FAM110B: variants seen among roughly 807,000 people sequenced by gnomAD.
FAM110B encodes family with sequence similarity 110 member B.
A neutral mutation model predicts 20.4 loss-of-function variants in FAM110B; 6 were observed. The ratio of observed to expected loss-of-function variants is 0.29; its 90% CI spans 0.16 to 0.58. The LOEUF (loss-of-function observed/expected upper bound fraction) is 0.58, where lower values mean the gene tolerates loss of function less well. FAM110B is among the 20% of genes least tolerant of loss of function. FAM110B has a pLI of 0.90. For synonymous variants in FAM110B, 226 were observed against 214.1 expected (o/e 1.06, Z -0.49); for missense variants, 434 against 498.2 (o/e 0.87, Z 1.23).
chr8:58,071,942 C>T (rs1440085244), intron 2 of FAM110B, among the ~76,000 whole-genome samples: 2 of 152,114 alleles, frequency 1.3e-5, no homozygotes, highest in East Asian at 1.9e-4. Flanking sequence ...GTATCAGTAG[C>T]GGAGAGTGCA....
At chr8:58,063,157 G>T (rs1026727765) in intron 2 of FAM110B, among the ~76,000 whole-genome samples, 1 of 152,180 alleles carries the variant, frequency 6.6e-6, no homozygotes, top group Non-Finnish European at 1.5e-5. Flanking sequence ...AGAGCACGGG[G>T]CATAAGAATC....
At chr8:58,131,762 T>C (rs1803474521) in intron 3 of FAM110B, among the ~76,000 whole-genome samples, 1 of 152,234 alleles carries the variant, frequency 6.6e-6, no homozygotes, top group Non-Finnish European at 1.5e-5. Context: ...GCCTGGCACA[T>C]TTGTAGATGC....
intron 3 of FAM110B, among the ~76,000 whole-genome samples, chr8:58,081,638 C>A (rs73682132): frequency 7.2e-5 from 11 of 152,120 alleles, no homozygotes; most frequent in African/African-American, 2.7e-4. Context: ...TCAAAGTCAG[C>A]GTCTGTTATT....
chr8:58,085,118 T>A lies in FAM110B; in HGVS notation c.-325+9495T>A, dbSNP rs1806300528. Among the ~76,000 whole-genome samples, 4 of 152,236 alleles carry A rather than the reference T, an allele frequency of 2.6e-5. No individual in the cohort carries two copies. The South Asian group carries it at 8.3e-4, about 31-fold the overall frequency. On this transcript the variant is annotated intron_variant, in intron 3 of 3. Coordinates refer to ENST00000519262, the MANE Select transcript of FAM110B (RefSeq NM_001377989.1). ...GTTTTCATTTACTCTCCTAGTTGTA[T>A]TTGTGATTCAGCATTCCATGCTGTA...
At chr8:58,003,468 C>T (rs1482645520) in intron 1 of FAM110B, among the ~76,000 whole-genome samples, 1 of 152,152 alleles carries the variant, frequency 6.6e-6, no homozygotes, top group Non-Finnish European at 1.5e-5. Context: ...TCCACTTTTC[C>T]TGGATACATC....
At chr8:57,995,574 C>CTA (rs1804168607) in intron 1 of FAM110B, among the ~76,000 whole-genome samples, 1 of 152,182 alleles carries the variant, frequency 6.6e-6, no homozygotes, top group Admixed American at 6.5e-5. Flanking sequence ...TGGTGCCCTC[C>CTA]TATTGTTTAG....
intron 3 of FAM110B, among the ~76,000 whole-genome samples, chr8:58,107,704 G>T (rs769222884): frequency 3.3e-5 from 5 of 152,182 alleles, no homozygotes; most frequent in Non-Finnish European, 7.3e-5. Flanking sequence ...CAGATCCTGT[G>T]CTATGGTCTG....
chr8:58,083,094 T>A (rs1453132021), intron 3 of FAM110B, among the ~76,000 whole-genome samples: 1 of 152,128 alleles, frequency 6.6e-6, no homozygotes, highest in African/African-American at 2.4e-5. Flanking sequence ...AAAGTCACTG[T>A]ACGTTGCTCA....
At chr8:58,087,012 A>G (rs1450875605) in intron 3 of FAM110B, among the ~76,000 whole-genome samples, 2 of 152,220 alleles carry the variant, frequency 1.3e-5, no homozygotes, top group East Asian at 3.8e-4. Context: ...AGCTCACACC[A>G]TACACCGTCT....
At chr8:58,001,413 G>C (rs971385533) in intron 1 of FAM110B, among the ~76,000 whole-genome samples, 1 of 152,096 alleles carries the variant, frequency 6.6e-6, no homozygotes, top group Non-Finnish European at 1.5e-5. Flanking sequence ...CTAGTGTTCA[G>C]TATACACATA....
At chr8:58,008,482 T>G (rs989367655) in intron 1 of FAM110B, among the ~76,000 whole-genome samples, 12 of 152,186 alleles carry the variant, frequency 7.9e-5, no homozygotes, top group Middle Eastern at 3.2e-3. Context: ...TTATACATAT[T>G]CATGGTGTAC....
chr8:58,050,525 G>A (rs11998721), intron 2 of FAM110B, among the ~76,000 whole-genome samples: 6,767 of 152,256 alleles, frequency 0.044, 172 homozygotes, highest in South Asian at 0.11. Flanking sequence ...GCTGAGGTCC[G>A]TGTTTCCTGG....
chr8:58,085,067 C>T (rs973373722), intron 3 of FAM110B, among the ~76,000 whole-genome samples: 6 of 152,120 alleles, frequency 3.9e-5, no homozygotes, highest in Non-Finnish European at 7.4e-5. Context: ...CAATTGGCAT[C>T]AAAAACAGGA....
chr8:58,073,583 T>C (rs1805957424), intron 2 of FAM110B, among the ~76,000 whole-genome samples: 1 of 152,254 alleles, frequency 6.6e-6, no homozygotes, highest in African/African-American at 2.4e-5. Context: ...ATTTACATCA[T>C]ATGGGAATTG....
chr8:58,053,599 T>C (rs775001655), intron 2 of FAM110B, among the ~76,000 whole-genome samples: 15 of 152,170 alleles, frequency 9.9e-5, no homozygotes, highest in Non-Finnish European at 2.2e-4. Context: ...TTAGCATATT[T>C]ATGGTATCTA....
At chr8:58,090,494 C>T (rs1422433365) in intron 3 of FAM110B, among the ~76,000 whole-genome samples, 1 of 152,220 alleles carries the variant, frequency 6.6e-6, no homozygotes, top group Non-Finnish European at 1.5e-5. Flanking sequence ...TTGTCTCTAA[C>T]TTACTTTATT....
At chr8:58,010,484 C>A (rs1043677538) in intron 1 of FAM110B, among the ~76,000 whole-genome samples, 1 of 152,152 alleles carries the variant, frequency 6.6e-6, no homozygotes, top group Non-Finnish European at 1.5e-5. Flanking sequence ...GGTTCTGCCC[C>A]ATGAGCCATA....
chr8:58,068,761 C>T (rs894663945), intron 2 of FAM110B, among the ~76,000 whole-genome samples: 5 of 152,056 alleles, frequency 3.3e-5, no homozygotes, highest in African/African-American at 4.8e-5. Flanking sequence ...TTCTGTAGAA[C>T]ACATTGAGAA....
chr8:58,121,791 G>A (rs1437422581), intron 3 of FAM110B, among the ~76,000 whole-genome samples: 1 of 152,056 alleles, frequency 6.6e-6, no homozygotes, highest in Non-Finnish European at 1.5e-5. Context: ...TATTTCATGT[G>A]TGCTCATACA....
Sources: allele counts gnomAD v4.1 joint callset (sites outside exome capture counted in the v4.1 genomes callset), GRCh38; gene constraint gnomAD v4.1.1; transcripts MANE v1.5; gene names NCBI Gene and HGNC (gene_info 2026-07-23, HGNC 2026-07-21).